Variants in SCN11A observed in about 807,000 individuals in gnomAD.
SCN11A encodes sodium channel protein type 11 subunit alpha.
In SCN11A, 122 loss-of-function variants were observed where a neutral mutation model predicts 162.2. The observed-to-expected ratio is 0.75, with a 90% CI of 0.65 to 0.87. SCN11A has a LOEUF of 0.87. Ranked by LOEUF, SCN11A falls within the 40% of genes least tolerant of loss-of-function variation. The pLI, the probability that SCN11A is intolerant of heterozygous loss-of-function variation, is 0.00. For synonymous variants in SCN11A, 758 were observed against 751.5 expected (o/e 1.01, Z -0.14); for missense variants, 2,015 against 2,181.6 (o/e 0.92, Z 1.52).
Position 38,946,774 on chromosome 3 carries a change from G to T in SCN11A, c.386+15C>A. 1.3e-6 allele frequency: 2 copies of T among 1,506,794 alleles called. No individual in the cohort carries two copies. The highest frequency in any genetic ancestry group is 1.8e-6 in the Non-Finnish European group (2 of 1,086,830). The allele number at this position is 1,506,794 out of a possible 1,614,324, so 93.3% of individuals were successfully genotyped here. On this transcript the variant is annotated intron_variant, in intron 6 of 29. Transcript: ENST00000302328. The stretch of plus-strand genomic sequence containing the variant: ...AAATGATCTGGACTTAGTAAAAGGT[G>T]CAATGAAAGGATATGAATGGACTGA...
chr3:39,050,978 C>T lies in SCN11A; in HGVS notation c.-404+883G>A, dbSNP rs192326262. 1.8e-3 allele frequency among the ~76,000 whole-genome samples: 268 copies of T among 152,276 alleles called. 1 individual carries two copies. The highest frequency in any genetic ancestry group is 6.1e-3 in the African/African-American group (254 of 41,556). On this transcript the variant is annotated intron_variant, in intron 1 of 29. Transcript: ENST00000302328. ...CTAGAGAGGGTCTGATCACCCTCAG[C>T]TCTTATAATTAGTGGTCAGGAAAAC...
intron 1 of SCN11A, among the ~76,000 whole-genome samples, 85 bp from the exon 2 acceptor site, chr3:39,032,588 AG>A (rs2031788596): frequency 6.6e-6 from 1 of 152,220 alleles, no homozygotes; most frequent in Non-Finnish European, 1.5e-5. Context: ...AGAGGAGGCA[AG>A]AAAAACAGAA....
chr3:38,994,804 G>A (rs1291146800), intron 2 of SCN11A, among the ~76,000 whole-genome samples: 1 of 152,136 alleles, frequency 6.6e-6, no homozygotes, highest in African/African-American at 2.4e-5. Context: ...GGAAGCTGGA[G>A]GGACCTACAC....
intron 9 of SCN11A, among the ~76,000 whole-genome samples, chr3:38,922,926 A>C (rs1219135829): frequency 1.3e-5 from 2 of 152,114 alleles, no homozygotes; most frequent in African/African-American, 4.8e-5. Context: ...AAGAGAAAAG[A>C]AGGGAAGGGG....
At chr3:39,021,451 A>G (rs773462912) in intron 2 of SCN11A, among the ~76,000 whole-genome samples, 22 of 152,178 alleles carry the variant, frequency 1.4e-4, no homozygotes, top group Non-Finnish European at 2.5e-4. Context: ...TTTTATAGAG[A>G]GGAGTAAACA....
chr3:38,899,715 G>C (rs1356812442), intron 17 of SCN11A, among the ~76,000 whole-genome samples, 179 bp downstream of exon 17: 1 of 152,168 alleles, frequency 6.6e-6, no homozygotes, highest in Non-Finnish European at 1.5e-5. Context: ...GTTAAGCGAA[G>C]TCCCCCCAGG....
At position 38,925,556 on chromosome 3, in the gene SCN11A, G is replaced by A. The variant is rs778804204; in HGVS notation, c.618-47C>T. On this transcript the variant is annotated intron_variant, in intron 8 of 29. Transcript: ENST00000302328. Reference sequence around the variant, plus strand: ...AGGCATGGGCTTGCTCAGTCCTGCAGCTGCACTGCACATCTCCACAAAAGC... The same window carrying A: ...AGGCATGGGCTTGCTCAGTCCTGCAACTGCACTGCACATCTCCACAAAAGC... 1.4e-5 allele frequency: 18 copies of A among 1,307,336 alleles called. No homozygotes were observed. The South Asian group carries it at 2.1e-4, about 16-fold the overall frequency. 81.0% of individuals were successfully genotyped at this position (1,307,336 alleles called of 1,614,324 possible).
rs2064663727 is a variant in SCN11A, at chr3:38,846,421, T to C, written c.*273A>G. 2.5e-6 allele frequency: 1 copy of C among 407,538 alleles called. No individual in the cohort carries two copies. Among genetic ancestry groups the C allele is most frequent in the African/African-American group, 2.0e-5 (1 of 50,458 alleles). The allele number at this position is 407,538 out of a possible 1,614,324, so 25.2% of individuals were successfully genotyped here. On this transcript the variant is annotated 3_prime_UTR_variant, in exon 30 of 30. Coordinates refer to ENST00000302328, the MANE Select transcript of SCN11A (RefSeq NM_001349253.2). ...GCCACTGCGCCCGGCCTGAACTATT[T>C]CAATCCTAAAATTGGTATGTCCTTT... is the stretch of plus-strand genomic sequence containing the variant.
At chr3:38,867,240 T>C in intron 27 of SCN11A, 81 bp downstream of exon 27, 1 of 1,374,854 alleles carries the variant, frequency 7.3e-7, no homozygotes, top group Non-Finnish European at 1.0e-6. Flanking sequence ...TTGTATAACA[T>C]TCTAGGCCAG....
chr3:39,004,448 G>A (rs545632582), intron 2 of SCN11A, among the ~76,000 whole-genome samples: 2 of 152,264 alleles, frequency 1.3e-5, no homozygotes, highest in East Asian at 1.9e-4. Context: ...TTGAAGTTGG[G>A]TAATGTGACA....
At chr3:38,996,815 C>T (rs934803603) in intron 2 of SCN11A, among the ~76,000 whole-genome samples, 1 of 152,166 alleles carries the variant, frequency 6.6e-6, no homozygotes, top group Non-Finnish European at 1.5e-5. Context: ...TGGTGCATGC[C>T]TGTAGTCCTG....
intron 11 of SCN11A, among the ~76,000 whole-genome samples, chr3:38,919,055 T>G (rs62242295): frequency 1.6e-4 from 24 of 152,338 alleles, no homozygotes; most frequent in African/African-American, 4.6e-4. Context: ...TGTAGGCAAC[T>G]GTAGCACAAT....
At chr3:38,892,591 T>C (rs1431436312) in intron 19 of SCN11A, among the ~76,000 whole-genome samples, 2 of 152,134 alleles carry the variant, frequency 1.3e-5, no homozygotes, top group African/African-American at 2.4e-5. Context: ...AAAATAAATC[T>C]TATAAATATA....
Position 38,956,175 on chromosome 3 carries a change from G to A in SCN11A, c.-138-2416C>T, listed in dbSNP as rs149270187. ...CAGCAGAATCACTTGAACCCTGGAG[G>A]TGGAGGTTGCCATGAGCCAAGACTG... is the stretch of plus-strand genomic sequence containing the variant. On this transcript the variant is annotated intron_variant, in intron 3 of 29. Coordinates refer to ENST00000302328, the MANE Select transcript of SCN11A (RefSeq NM_001349253.2). Among the ~76,000 whole-genome samples, 345 of 152,238 alleles carry A rather than the reference G, an allele frequency of 2.3e-3. 2 individuals carry two copies. Among genetic ancestry groups the A allele is most frequent in the African/African-American group, 7.9e-3 (328 of 41,554 alleles).
chr3:38,895,544 C>T (rs763548073), intron 18 of SCN11A, among the ~76,000 whole-genome samples: 3 of 152,210 alleles, frequency 2.0e-5, no homozygotes, highest in Admixed American at 6.5e-5. Flanking sequence ...AGCTTCCTAC[C>T]TGGGTTCTTT....
intron 28 of SCN11A, among the ~76,000 whole-genome samples, chr3:38,859,782 C>T (rs968527117): frequency 1.3e-5 from 2 of 152,170 alleles, no homozygotes; most frequent in African/African-American, 4.8e-5. Flanking sequence ...GACTTTGAAA[C>T]AAAATTGATA....
At chr3:38,936,878 G>A (rs1030979911) in intron 7 of SCN11A, among the ~76,000 whole-genome samples, 1 of 152,028 alleles carries the variant, frequency 6.6e-6, no homozygotes, top group Non-Finnish European at 1.5e-5. Context: ...CTACTTTAAA[G>A]TTCATATGGA....
intron 2 of SCN11A, among the ~76,000 whole-genome samples, chr3:39,009,042 T>C (rs1227943024): frequency 6.6e-6 from 1 of 152,072 alleles, no homozygotes; most frequent in African/African-American, 2.4e-5. Context: ...AATCTCCTTC[T>C]CTCATAAGTA....
chr3:38,907,943 A>AC lies in SCN11A; in HGVS notation c.1473+5dup. On this transcript the variant is annotated splice_donor_region_variant and intron_variant, in intron 14 of 29. Coordinates refer to ENST00000302328, the MANE Select transcript of SCN11A (RefSeq NM_001349253.2). ...TGGTATCATTAATTCCCTGGAAAAGACTTACCTTTTTTTGGCAATCTTCAT... is the reference window on the plus strand; with the variant it reads ...TGGTATCATTAATTCCCTGGAAAAGACCTTACCTTTTTTTGGCAATCTTCAT... 6.3e-7 allele frequency: 1 copy of AC among 1,597,902 alleles called. No individual in the cohort carries two copies. The highest frequency in any genetic ancestry group is 8.5e-7 in the Non-Finnish European group (1 of 1,175,698).
Sources: allele counts gnomAD v4.1 joint callset (sites outside exome capture counted in the v4.1 genomes callset), GRCh38; gene constraint gnomAD v4.1.1; transcripts MANE v1.5; gene names NCBI Gene and HGNC (gene_info 2026-07-23, HGNC 2026-07-21).